The following RALGPS1 variants were observed in gnomAD, a reference collection of about 807,000 sequenced individuals.
RALGPS1 encodes the protein Ral GEF with PH domain and SH3 binding motif 1, also known as ras-specific guanine nucleotide-releasing factor RalGPS1.
A neutral mutation model predicts 78.8 loss-of-function variants in RALGPS1; 19 were observed. The ratio of observed to expected loss-of-function variants is 0.24; its 90% CI spans 0.17 to 0.35. RALGPS1 has a LOEUF of 0.35. Among genes scored for constraint, RALGPS1 ranks in the 10% least tolerant of loss-of-function variants. The probability of loss-of-function intolerance (pLI) is 1.00; values close to 1 mark genes in which losing one functional copy is unlikely to be tolerated. For missense variants in RALGPS1, 454 were observed against 688.3 expected (o/e 0.66, Z 3.81); for synonymous variants, 228 against 256.3 (o/e 0.89, Z 1.06).
intron 7 of RALGPS1, among the ~76,000 whole-genome samples, chr9:127,066,732 C>A (rs888607957): frequency 1.3e-5 from 2 of 152,134 alleles, no homozygotes; most frequent in South Asian, 2.1e-4. Context: ...TGGCAAATTT[C>A]TCATCCTTAA....
intron 8 of RALGPS1, among the ~76,000 whole-genome samples, chr9:127,125,224 A>G (rs2056519876): frequency 6.6e-6 from 1 of 152,276 alleles, no homozygotes; most frequent in South Asian, 2.1e-4. Context: ...ACAAGGCTCA[A>G]CAAAAAGCTC....
In RALGPS1 at chr9:127,103,886, G is replaced by A. The variant is rs779862237; in HGVS notation, c.610+34530G>A. Among the ~76,000 whole-genome samples the A allele has an allele frequency of 5.3e-5, 8 of 152,298 alleles. No homozygotes were observed. The East Asian group carries it at 5.8e-4, about 11-fold the overall frequency. ...ACACCAGTTCCCCTCCAGCCTTCCC[G>A]TGGAAGTGTGCAATATCCAGAGTAG... On this transcript the variant is annotated intron_variant, in intron 8 of 18. Transcript: ENST00000259351.
At chr9:127,079,650 A>G (rs1427527049) in intron 8 of RALGPS1, 1 of 152,140 alleles carries the variant, frequency 6.6e-6, no homozygotes, top group Non-Finnish European at 1.5e-5. Context: ...CCCGTGTGGC[A>G]CGGGATTGAG....
In RALGPS1 at chr9:126,956,479, G is replaced by A. The variant is rs76599698; in HGVS notation, c.-65-5746G>A. On this transcript the variant is annotated intron_variant, in intron 1 of 18. Coordinates refer to ENST00000259351, the MANE Select transcript of RALGPS1 (RefSeq NM_014636.3). Reference sequence around the variant, plus strand: ...TTTGTCGGGGGCGAGACATGCCGGAGTCAGACTGGAAACAAGTGCTCTGTC... The same window carrying A: ...TTTGTCGGGGGCGAGACATGCCGGAATCAGACTGGAAACAAGTGCTCTGTC... 7.9e-3 allele frequency among the ~76,000 whole-genome samples: 1,200 copies of A among 152,316 alleles called. 23 individuals are homozygous for A. Among genetic ancestry groups the A allele is most frequent in the African/African-American group, 0.027 (1,133 of 41,564 alleles).
intron 4 of RALGPS1, among the ~76,000 whole-genome samples, chr9:127,014,411 C>T (rs2044627791): frequency 6.6e-6 from 1 of 152,108 alleles, no homozygotes; most frequent in Non-Finnish European, 1.5e-5. Context: ...GCCCAGCACC[C>T]CATAAGATGT....
intron 4 of RALGPS1, among the ~76,000 whole-genome samples, chr9:127,017,487 G>C (rs1355810550): frequency 6.6e-6 from 1 of 152,178 alleles, no homozygotes; most frequent in Admixed American, 6.5e-5. Flanking sequence ...AGTGGTGAGT[G>C]AATGTAAAGG....
chr9:127,214,746 A>C lies in RALGPS1; in HGVS notation c.1553-5A>C. On this transcript the variant is annotated splice_region_variant and splice_polypyrimidine_tract_variant and intron_variant, in intron 17 of 18. Coordinates refer to ENST00000259351, the MANE Select transcript of RALGPS1 (RefSeq NM_014636.3). ...TTCTTAACTCATGGTTTCTCTACCCATCAGGCAATGTTTACAAGTTTCAGA... is the reference window on the plus strand; with the variant it reads ...TTCTTAACTCATGGTTTCTCTACCCCTCAGGCAATGTTTACAAGTTTCAGA... 1 of 1,605,604 alleles carries C rather than the reference A, an allele frequency of 6.2e-7. No homozygotes were observed. Among genetic ancestry groups the C allele is most frequent in the Non-Finnish European group, 8.5e-7 (1 of 1,176,928 alleles).
intron 8 of RALGPS1, chr9:127,108,105 C>G: frequency 6.2e-7 from 1 of 1,612,598 alleles, no homozygotes; most frequent in African/African-American, 1.3e-5. Flanking sequence ...CGGGCCTGGC[C>G]GAGGGCACCC....
intron 11 of RALGPS1, among the ~76,000 whole-genome samples, chr9:127,194,442 T>A (rs1318356314): frequency 6.6e-6 from 1 of 152,214 alleles, no homozygotes; most frequent in Non-Finnish European, 1.5e-5. Context: ...GGACGGAGTC[T>A]CACTCTGTTG....
At chr9:127,141,057 C>T (rs909611709) in intron 8 of RALGPS1, among the ~76,000 whole-genome samples, 7 of 152,136 alleles carry the variant, frequency 4.6e-5, no homozygotes, top group Non-Finnish European at 7.4e-5. Flanking sequence ...AGGTGGGTGA[C>T]GTGGAGAGGG....
At chr9:127,171,683 T>C (rs747810543) in intron 10 of RALGPS1, among the ~76,000 whole-genome samples, 4 of 152,152 alleles carry the variant, frequency 2.6e-5, no homozygotes, top group African/African-American at 4.8e-5. Context: ...CACTTGAACC[T>C]GGGAGGCAGA....
chr9:127,037,025 T>A (rs756963231), intron 5 of RALGPS1, among the ~76,000 whole-genome samples: 9 of 152,230 alleles, frequency 5.9e-5, no homozygotes, highest in Non-Finnish European at 1.2e-4. Flanking sequence ...CTGTATGATC[T>A]TGGGTTGGCT....
intron 1 of RALGPS1, among the ~76,000 whole-genome samples, chr9:126,920,994 A>T (rs1324773083): frequency 1.3e-5 from 2 of 152,172 alleles, no homozygotes; most frequent in Non-Finnish European, 2.9e-5. Flanking sequence ...TAAAGTGGGG[A>T]TAGCAGTTTT....
chr9:127,089,661 C>T (rs1427348582), intron 8 of RALGPS1, among the ~76,000 whole-genome samples: 1 of 152,218 alleles, frequency 6.6e-6, no homozygotes, highest in Non-Finnish European at 1.5e-5. Flanking sequence ...CCAGTCCTCC[C>T]CAGCTTGTAT....
intron 4 of RALGPS1, among the ~76,000 whole-genome samples, chr9:126,995,857 A>G (rs1189704696): frequency 1.3e-5 from 2 of 152,240 alleles, no homozygotes; most frequent in African/African-American, 4.8e-5. Context: ...CAATCAAACT[A>G]GAACTCAGGA....
chr9:127,184,362 A>C, intron 11 of RALGPS1: 1 of 323,076 alleles, frequency 3.1e-6, no homozygotes, highest in Non-Finnish European at 6.0e-6. Flanking sequence ...CCTCTAAATG[A>C]TGTGTGAGAC....
intron 5 of RALGPS1, among the ~76,000 whole-genome samples, chr9:127,046,907 A>G (rs1380626299): frequency 2.0e-5 from 3 of 152,168 alleles, no homozygotes; most frequent in Non-Finnish European, 1.5e-5. Flanking sequence ...AAGCAAAACA[A>G]ACAAACAAAA....
chr9:127,203,399 A>C (rs1428195125), intron 14 of RALGPS1, among the ~76,000 whole-genome samples: 2 of 152,214 alleles, frequency 1.3e-5, no homozygotes, highest in Non-Finnish European at 2.9e-5. Context: ...AAGTGCCACA[A>C]AGTTGATTAC....
intron 1 of RALGPS1, among the ~76,000 whole-genome samples, chr9:126,922,055 C>T (rs1047114038): frequency 1.9e-4 from 29 of 152,182 alleles, no homozygotes; most frequent in African/African-American, 7.0e-4. Context: ...CAGAGGCAAG[C>T]CTCAGCTCCC....
Sources: allele counts gnomAD v4.1 joint callset (sites outside exome capture counted in the v4.1 genomes callset), GRCh38; gene constraint gnomAD v4.1.1; transcripts MANE v1.5; gene names NCBI Gene and HGNC (gene_info 2026-07-23, HGNC 2026-07-21).